The following SLC4A4 variants were observed in gnomAD, a reference collection of about 807,000 sequenced individuals.
SLC4A4 encodes solute carrier family 4 member 4.
Under a neutral mutation model 111.5 loss-of-function variants are expected in SLC4A4, and 27 were observed. That is an observed-to-expected ratio of 0.24 (90% CI 0.18 to 0.33). The LOEUF is 0.33. Ranked by LOEUF, SLC4A4 falls within the 10% of genes least tolerant of loss-of-function variation. The probability of loss-of-function intolerance (pLI) is 1.00; values close to 1 mark genes in which losing one functional copy is unlikely to be tolerated. For synonymous variants in SLC4A4, 443 were observed against 463.4 expected (o/e 0.96, Z 0.57); for missense variants, 909 against 1,315.5 (o/e 0.69, Z 4.78).
At chr4:71,175,179 A>G (rs939012857) in intron 2 of SLC4A4, among the ~76,000 whole-genome samples, 3 of 151,532 alleles carry the variant, frequency 2.0e-5, no homozygotes, top group African/African-American at 7.3e-5. Flanking sequence ...TAAGCAATCT[A>G]TGTGCACAGT....
At chr4:71,537,589 G>C in intron 18 of SLC4A4, among the ~76,000 whole-genome samples, 1 of 152,102 alleles carries the variant, frequency 6.6e-6, no homozygotes, top group Non-Finnish European at 1.5e-5. Context: ...TTGTAGAGTT[G>C]TGGTTAGGAA....
chr4:71,306,123 A>G (rs1038873204), intron 3 of SLC4A4, among the ~76,000 whole-genome samples: 1 of 152,154 alleles, frequency 6.6e-6, no homozygotes. Flanking sequence ...CTCCACAGGG[A>G]CTCAGTTCAA....
intron 1 of SLC4A4, among the ~76,000 whole-genome samples, chr4:71,080,332 C>G (rs952945098): frequency 6.6e-6 from 1 of 152,042 alleles, no homozygotes; most frequent in Non-Finnish European, 1.5e-5. Context: ...CTTTGCTGTT[C>G]TCCTAGATGT....
intron 6 of SLC4A4, 43 bp from the exon 7 acceptor site, chr4:71,397,534 T>C: frequency 1.3e-6 from 2 of 1,518,168 alleles, no homozygotes; most frequent in Non-Finnish European, 9.2e-7. Flanking sequence ...CTTTGTGTTA[T>C]TGAAAAGAAG....
At chr4:71,424,396 C>T (rs1722888755) in intron 7 of SLC4A4, among the ~76,000 whole-genome samples, 1 of 151,166 alleles carries the variant, frequency 6.6e-6, no homozygotes, top group African/African-American at 2.4e-5. Flanking sequence ...GTTGGTGGGA[C>T]TGTAAACTAG....
chr4:71,176,994 A>G (rs1464862165), intron 2 of SLC4A4, among the ~76,000 whole-genome samples: 1 of 152,240 alleles, frequency 6.6e-6, no homozygotes, highest in Non-Finnish European at 1.5e-5. Flanking sequence ...CAGAAACTCT[A>G]CAAGCCAGAA....
rs200898394 is a variant in SLC4A4, at chr4:71,101,828, G to A, written c.-2+9036G>A. The stretch of plus-strand genomic sequence containing the variant: ...AAACCACAAAGATGGGGAAAAAACA[G>A]AACAGAAAAACGGGAAACTCTAAAA... On this transcript the variant is annotated intron_variant, in intron 2 of 26. Transcript: ENST00000649996. 2.8e-3 allele frequency among the ~76,000 whole-genome samples: 421 copies of A among 151,988 alleles called. 12 individuals carry two copies. The East Asian group carries it at 0.064, about 23-fold the overall frequency.
chr4:71,255,833 A>C (rs1244323339), intron 3 of SLC4A4, among the ~76,000 whole-genome samples: 1 of 152,212 alleles, frequency 6.6e-6, no homozygotes, highest in Non-Finnish European at 1.5e-5. Flanking sequence ...TCAGCATTAC[A>C]GGTGACATAA....
chr4:71,214,936 C>T (rs1047929181), intron 1 of SLC4A4, among the ~76,000 whole-genome samples: 2 of 152,238 alleles, frequency 1.3e-5, no homozygotes, highest in Non-Finnish European at 2.9e-5. Context: ...GCATTCTATA[C>T]TGGCAACTTG....
intron 12 of SLC4A4, among the ~76,000 whole-genome samples, chr4:71,457,499 A>G (rs1243504037): frequency 6.6e-6 from 1 of 152,138 alleles, no homozygotes; most frequent in African/African-American, 2.4e-5. Flanking sequence ...CATTACATTC[A>G]TCTGAGATGC....
intron 2 of SLC4A4, among the ~76,000 whole-genome samples, chr4:71,128,496 C>T (rs144414943): frequency 4.6e-5 from 7 of 152,160 alleles, no homozygotes; most frequent in African/African-American, 1.7e-4. Flanking sequence ...CAAAGACAGT[C>T]AATTTTTTCC....
chr4:71,487,005 C>T lies in SLC4A4; in HGVS notation c.1961C>T (p.Ser654Phe). Residue 654 changes from serine (S) to phenylalanine (F), a missense_variant, in exon 15 of 26, where the codon TCT becomes TTT. Coordinates refer to ENST00000264485, the MANE Select transcript of SLC4A4 (RefSeq NM_001098484.3). ...TLAPEYLPTM[S>F]STDMYHNTTF... ...GCCCCAGAGTATTTGCCAACTATGTCTTCTACTGACATGGTAAGTGACTTA... is the reference window on the plus strand; with the variant it reads ...GCCCCAGAGTATTTGCCAACTATGTTTTCTACTGACATGGTAAGTGACTTA... The T allele has an allele frequency of 1.3e-6, 2 of 1,592,324 alleles. No homozygotes were observed. The highest frequency in any genetic ancestry group is 1.7e-6 in the Non-Finnish European group (2 of 1,161,916).
chr4:71,491,958 A>G (rs146677914), intron 15 of SLC4A4, among the ~76,000 whole-genome samples: 2 of 151,596 alleles, frequency 1.3e-5, no homozygotes, highest in African/African-American at 4.8e-5. Flanking sequence ...TATTTTTATT[A>G]TTATTATTAC....
chr4:71,179,727 C>T lies in SLC4A4; in HGVS notation c.-1-56849C>T, dbSNP rs1185621758. Among the ~76,000 whole-genome samples, 5 of 152,170 alleles carry T rather than the reference C, an allele frequency of 3.3e-5. No homozygotes were observed. In the East Asian group the frequency reaches 9.6e-4, roughly 29 times the overall value. On this transcript the variant is annotated intron_variant, in intron 2 of 26. Coordinates refer to the SLC4A4 transcript ENST00000649996. ...GGATACAAACAAATGGAAGAACATT[C>T]CATGCTCGTGGGTAGGAAGAATCAA...
At chr4:71,231,556 A>G (rs764006900) in intron 1 of SLC4A4, among the ~76,000 whole-genome samples, 5 of 152,196 alleles carry the variant, frequency 3.3e-5, no homozygotes, top group Non-Finnish European at 5.9e-5. Context: ...TAGAAAGGGT[A>G]TAACTTGTAC....
intron 1 of SLC4A4, among the ~76,000 whole-genome samples, chr4:71,200,590 G>C (rs1041889649): frequency 6.6e-6 from 1 of 152,116 alleles, no homozygotes; most frequent in Non-Finnish European, 1.5e-5. Flanking sequence ...ACAACATAAA[G>C]GATAAGCAAA....
intron 1 of SLC4A4, among the ~76,000 whole-genome samples, chr4:71,210,475 A>G (rs1718067569): frequency 6.6e-6 from 1 of 152,224 alleles, no homozygotes; most frequent in South Asian, 2.1e-4. Context: ...TGGGCAATGC[A>G]TTGTATGTGT....
At chr4:71,412,393 C>T (rs1721435301) in intron 7 of SLC4A4, among the ~76,000 whole-genome samples, 1 of 152,130 alleles carries the variant, frequency 6.6e-6, no homozygotes, top group Non-Finnish European at 1.5e-5. Context: ...TTGAAGGGTA[C>T]AAGGCTCATG....
chr4:71,333,693 A>G (rs12644090), intron 3 of SLC4A4, among the ~76,000 whole-genome samples: 2 of 152,192 alleles, frequency 1.3e-5, no homozygotes, highest in East Asian at 1.9e-4. Flanking sequence ...TTAGGAATCT[A>G]TTTGGTACTC....
Sources: gnomAD v4.1 joint callset for allele counts (sites outside exome capture counted in the v4.1 genomes callset) on GRCh38, gnomAD v4.1.1 for gene constraint, MANE v1.5 for transcripts, NCBI Gene and HGNC (gene_info 2026-07-23, HGNC 2026-07-21) for gene names.